PCLO: variants seen among roughly 807,000 people sequenced by gnomAD.
The protein encoded by PCLO is protein piccolo.
In PCLO, 82 loss-of-function variants were observed where a neutral mutation model predicts 427.5. The ratio of observed to expected loss-of-function variants is 0.19; its 90% CI spans 0.16 to 0.23. The LOEUF (loss-of-function observed/expected upper bound fraction) is 0.23, where lower values mean the gene tolerates loss of function less well. Ranked by LOEUF, PCLO falls within the 10% of genes least tolerant of loss-of-function variation. PCLO has a pLI of 1.00. For missense variants in PCLO, 6,239 were observed against 6,115.9 expected (o/e 1.02, Z -0.67); for synonymous variants, 2,357 against 2,155.4 (o/e 1.09, Z -2.59).
At chr7:82,985,251 C>T (rs115275259) in intron 3 of PCLO, among the ~76,000 whole-genome samples, 1,690 of 152,092 alleles carry the variant, frequency 0.011, 34 homozygotes, top group African/African-American at 0.038. Flanking sequence ...AGTATATAGG[C>T]TCTCTGATGT....
At chr7:83,090,942 T>C (rs965479430) in intron 3 of PCLO, among the ~76,000 whole-genome samples, 4 of 152,152 alleles carry the variant, frequency 2.6e-5, no homozygotes, top group Non-Finnish European at 5.9e-5. Context: ...ATCTGAGGAA[T>C]AAATTTATAT....
At chr7:82,778,764 TATAA>T (rs1790809372) in intron 22 of PCLO, among the ~76,000 whole-genome samples, 1 of 152,104 alleles carries the variant, frequency 6.6e-6, no homozygotes, top group Non-Finnish European at 1.5e-5. Flanking sequence ...CAATTTTTTT[TATAA>T]ATAAAGTTTC....
chr7:82,873,271 C>T (rs372653797), intron 10 of PCLO, among the ~76,000 whole-genome samples: 2 of 145,840 alleles, frequency 1.4e-5, no homozygotes. Context: ...ATGCATCAGA[C>T]CATGAGAAAG....
chr7:82,915,798 C>T lies in PCLO; in HGVS notation c.12188G>A (p.Ser4063Asn), dbSNP rs952067502. Residue 4063 changes from serine (S) to asparagine (N), a missense_variant, in exon 7 of 25, where the codon AGC becomes AAC. Physicochemically the swap from Ser to Asn is conservative, Grantham distance 46. Transcript: ENST00000333891. The part of the protein sequence containing the change: ...GEITKGTAAL[S>N]TAFSLHEKDL... ...CTTTTCATGAAGGCTAAATGCGGTG[C>T]TTAATGCCGCTGTTCCTTTGGTGAT... is the stretch of plus-strand genomic sequence containing the variant. The T allele has an allele frequency of 1.9e-6, 3 of 1,612,888 alleles. No individual in the cohort carries two copies. Among genetic ancestry groups the T allele is most frequent in the Non-Finnish European group, 2.5e-6 (3 of 1,179,362 alleles).
chr7:82,889,582 G>A (rs1793709546), intron 9 of PCLO, among the ~76,000 whole-genome samples: 1 of 152,162 alleles, frequency 6.6e-6, no homozygotes, highest in Admixed American at 6.5e-5. Flanking sequence ...TTTAAGGAAT[G>A]TCCAAAATAT....
Position 82,952,518 on chromosome 7 carries a change from C to G in PCLO, c.8435G>C (p.Ser2812Thr). 1 of 1,613,926 alleles carries G rather than the reference C, an allele frequency of 6.2e-7. No homozygotes were observed. The highest frequency in any genetic ancestry group is 8.5e-7 in the Non-Finnish European group (1 of 1,179,858). ...ASASYTTGTE[S>T]LVGAEHAMTT... ...CATTGCATGTTCTGCACCCACTAGGCTTTCTGTGCCTGTAGTGTAACTTGC... is the reference window on the plus strand; with the variant it reads ...CATTGCATGTTCTGCACCCACTAGGGTTTCTGTGCCTGTAGTGTAACTTGC... Residue 2812 changes from serine (S) to threonine (T), a missense_variant, in exon 5 of 25, where the codon AGC becomes ACC. By Grantham distance (58) the Ser-to-Thr change is moderately conservative. Transcript: ENST00000333891.
At position 82,956,576 on chromosome 7, in the gene PCLO, C is replaced by A; in HGVS notation, c.4377G>T (p.Leu1459Phe). Residue 1459 changes from leucine to phenylalanine, a missense_variant, in exon 5 of 25, where the codon TTG becomes TTT. Leu to Phe is a conservative substitution (Grantham distance 22, BLOSUM62 0). Around this residue, in one of 5 missense-constraint regions of PCLO, gnomAD observed 4,677 missense variants for 4,468.4 expected, o/e 1.05. Transcript: ENST00000333891. ...QEKTQSLSET[L>F]EITISEEEIK... is the part of the protein sequence containing the mutation. ...TCTCCTCTTCTGAAATAGTAATTTC[C>A]AAGGTTTCAGATAAACTCTGAGTTT... 6.2e-7 allele frequency: 1 copy of A among 1,612,636 alleles called. No individual in the cohort carries two copies. The highest frequency in any genetic ancestry group is 8.5e-7 in the Non-Finnish European group (1 of 1,179,486).
chr7:82,977,666 G>A (rs1190018990), intron 3 of PCLO, among the ~76,000 whole-genome samples: 3 of 151,866 alleles, frequency 2.0e-5, no homozygotes, highest in African/African-American at 7.3e-5. Context: ...TGCCTGCCTT[G>A]GCCTCCCAAA....
intron 3 of PCLO, among the ~76,000 whole-genome samples, chr7:82,978,892 A>T (rs1263496535): frequency 7.3e-6 from 1 of 136,674 alleles, no homozygotes; most frequent in Non-Finnish European, 1.6e-5. Flanking sequence ...ACACACACAC[A>T]CACTCCACAA....
intron 20 of PCLO, among the ~76,000 whole-genome samples, chr7:82,814,839 A>AC (rs1791643542): frequency 6.6e-6 from 1 of 151,986 alleles, no homozygotes; most frequent in South Asian, 2.1e-4. Context: ...GGTTTCTGGG[A>AC]CATCCCCCGC....
chr7:83,133,523 A>G (rs1584067753), intron 3 of PCLO, among the ~76,000 whole-genome samples: 1 of 152,078 alleles, frequency 6.6e-6, no homozygotes, highest in Admixed American at 6.5e-5. Flanking sequence ...AGTCATTTAC[A>G]TTGCAGAAAA....
At chr7:82,877,497 T>C (rs1467033315) in intron 10 of PCLO, among the ~76,000 whole-genome samples, 1 of 152,130 alleles carries the variant, frequency 6.6e-6, no homozygotes, top group Non-Finnish European at 1.5e-5. Flanking sequence ...CACCAAAAAT[T>C]ATCATTGGGC....
At chr7:83,037,355 C>A (rs1295574602) in intron 3 of PCLO, among the ~76,000 whole-genome samples, 1 of 151,994 alleles carries the variant, frequency 6.6e-6, no homozygotes, top group Admixed American at 6.6e-5. Flanking sequence ...AATAGCCACC[C>A]AGCCTATCAC....
intron 2 of PCLO, among the ~76,000 whole-genome samples, chr7:83,144,454 C>CTA (rs1248341943): frequency 6.6e-6 from 1 of 152,038 alleles, no homozygotes; most frequent in African/African-American, 2.4e-5. Flanking sequence ...AAATCCTTAA[C>CTA]TATATTAAGG....
intron 10 of PCLO, among the ~76,000 whole-genome samples, chr7:82,852,094 TA>T (rs1206147086): frequency 6.6e-6 from 1 of 151,942 alleles, no homozygotes; most frequent in African/African-American, 2.4e-5. Context: ...GAATCTTTGG[TA>T]AAGGAAAAAA....
intron 9 of PCLO, among the ~76,000 whole-genome samples, chr7:82,887,519 T>G (rs905762634): frequency 2.0e-5 from 3 of 152,142 alleles, no homozygotes; most frequent in Non-Finnish European, 2.9e-5. Context: ...TTAATTTTGT[T>G]TTATTAAGAG....
chr7:83,081,197 CA>C (rs752779152), intron 3 of PCLO, among the ~76,000 whole-genome samples: 48 of 151,924 alleles, frequency 3.2e-4, no homozygotes, highest in Non-Finnish European at 2.8e-4. Context: ...TGAACTAAAA[CA>C]ACATACACAC....
At chr7:83,085,343 T>C (rs10269321) in intron 3 of PCLO, among the ~76,000 whole-genome samples, 119,643 of 152,132 alleles carry the variant, frequency 0.79, 48,010 homozygotes, top group African/African-American at 0.95. Context: ...TTGCTGTTTT[T>C]TCATGATTTA....
chr7:82,804,986 C>G (rs1791429634), intron 21 of PCLO, among the ~76,000 whole-genome samples: 2 of 152,064 alleles, frequency 1.3e-5, no homozygotes, highest in Admixed American at 1.3e-4. Context: ...GTTATTGGAA[C>G]AGACATAATC....
Sources: allele counts gnomAD v4.1 joint callset (sites outside exome capture counted in the v4.1 genomes callset), GRCh38; gene constraint gnomAD v4.1.1; regional missense constraint gnomAD v4.1.1; transcripts MANE v1.5; gene names NCBI Gene and HGNC (gene_info 2026-07-23, HGNC 2026-07-21).